Variants in GPC6 observed in about 807,000 individuals in gnomAD.
The protein encoded by GPC6 is glypican-6.
Under a neutral mutation model 55.2 loss-of-function variants are expected in GPC6, and 14 were observed. The observed-to-expected ratio is 0.25, with a 90% CI of 0.17 to 0.40. The LOEUF (loss-of-function observed/expected upper bound fraction) is 0.40. Ranked by LOEUF, GPC6 falls within the 10% of genes least tolerant of loss-of-function variation. The pLI is 1.00. For missense variants in GPC6, 641 were observed against 708.5 expected, an observed-to-expected ratio of 0.90 and a Z score of 1.08; for synonymous variants, 278 against 259.6, an observed-to-expected ratio of 1.07 and a Z score of -0.68.
chr13:94,078,359 A>C (rs1566374246), intron 4 of GPC6, among the ~76,000 whole-genome samples: 1 of 151,918 alleles, frequency 6.6e-6, no homozygotes, highest in Non-Finnish European at 1.5e-5. Flanking sequence ...ACCTAGAAAA[A>C]GAACAAACTA....
intron 4 of GPC6, among the ~76,000 whole-genome samples, chr13:94,156,460 A>G (rs905437079): frequency 2.6e-5 from 4 of 152,302 alleles, no homozygotes; most frequent in African/African-American, 9.6e-5. Flanking sequence ...CAAATGCCAA[A>G]CATGTGATCC....
At chr13:94,162,518 G>A (rs761536746) in intron 4 of GPC6, among the ~76,000 whole-genome samples, 4 of 152,166 alleles carry the variant, frequency 2.6e-5, no homozygotes, top group Non-Finnish European at 5.9e-5. Flanking sequence ...TTGTTGGCTG[G>A]CTCACAACAG....
intron 2 of GPC6, among the ~76,000 whole-genome samples, chr13:93,705,436 T>G (rs189533179): frequency 4.5e-4 from 68 of 152,066 alleles, no homozygotes; most frequent in Admixed American, 9.2e-4. Flanking sequence ...TTTTTTGTTA[T>G]TGTAACTTAA....
chr13:93,499,495 T>TC (rs1880443710), intron 1 of GPC6, among the ~76,000 whole-genome samples: 1 of 152,204 alleles, frequency 6.6e-6, no homozygotes, highest in African/African-American at 2.4e-5. Context: ...TCTAAGCGTG[T>TC]CCTGGAACGG....
chr13:93,375,124 A>G (rs547383897), intron 1 of GPC6, among the ~76,000 whole-genome samples: 16 of 152,232 alleles, frequency 1.1e-4, no homozygotes, highest in African/African-American at 3.9e-4. Context: ...CCTCTCCAAT[A>G]TGGTATCAGG....
intron 1 of GPC6, among the ~76,000 whole-genome samples, chr13:93,495,377 G>C (rs1191648856): frequency 6.4e-5 from 9 of 140,124 alleles, no homozygotes; most frequent in African/African-American, 2.4e-4. Flanking sequence ...AGCTCCATCA[G>C]CTCCTTTAAG....
chr13:93,828,059 C>G (rs1004706371), intron 2 of GPC6, among the ~76,000 whole-genome samples: 1 of 151,740 alleles, frequency 6.6e-6, no homozygotes, highest in Admixed American at 6.6e-5. Context: ...CCAGACCACA[C>G]TATTGATTAC....
At chr13:93,334,768 A>G (rs972346289) in intron 1 of GPC6, among the ~76,000 whole-genome samples, 16 of 152,270 alleles carry the variant, frequency 1.1e-4, no homozygotes, top group African/African-American at 3.6e-4. Flanking sequence ...TGCCTGGCCT[A>G]TTGATTCTTC....
chr13:93,277,537 C>G (rs1379649777), intron 1 of GPC6, among the ~76,000 whole-genome samples: 1 of 152,068 alleles, frequency 6.6e-6, no homozygotes, highest in African/African-American at 2.4e-5. Flanking sequence ...ACCAAGGTGT[C>G]TTTATTATAA....
At chr13:93,260,598 A>T (rs1452109916) in intron 1 of GPC6, among the ~76,000 whole-genome samples, 1 of 152,148 alleles carries the variant, frequency 6.6e-6, no homozygotes, top group Non-Finnish European at 1.5e-5. Context: ...AGTACCTAGA[A>T]CATTGTTGTA....
chr13:93,856,598 T>C (rs1179106560), intron 3 of GPC6, among the ~76,000 whole-genome samples: 5 of 151,654 alleles, frequency 3.3e-5, no homozygotes, highest in African/African-American at 1.2e-4. Context: ...AGTTAGTTGG[T>C]GCACAGGCTT....
intron 2 of GPC6, among the ~76,000 whole-genome samples, chr13:93,792,361 A>T (rs563994575): frequency 6.6e-5 from 10 of 152,274 alleles, no homozygotes; most frequent in Non-Finnish European, 1.5e-4. Context: ...CCCAGGCGGG[A>T]GTGCAGTGGC....
At chr13:93,641,418 T>A (rs1427437203) in intron 2 of GPC6, among the ~76,000 whole-genome samples, 1 of 152,142 alleles carries the variant, frequency 6.6e-6, no homozygotes, top group African/African-American at 2.4e-5. Flanking sequence ...CCCCCATGTT[T>A]ATCAATCCTT....
At chr13:93,638,550 T>C (rs934487580) in intron 2 of GPC6, among the ~76,000 whole-genome samples, 2 of 152,170 alleles carry the variant, frequency 1.3e-5, no homozygotes, top group African/African-American at 4.8e-5. Flanking sequence ...TGTCTGGACA[T>C]ACAGCAATAA....
chr13:94,286,524 A>G lies in GPC6; in HGVS notation c.1008+45A>G, dbSNP rs766530265. The G allele has an allele frequency of 3.2e-6, 5 of 1,562,836 alleles. No individual in the cohort carries two copies. In the Admixed American group the frequency reaches 5.0e-5, roughly 16 times the overall value. On this transcript the variant is annotated intron_variant, in intron 5 of 8. Transcript: ENST00000377047. ...ATCTGCCAATACATGTATGTTATAC[A>G]GGTGCAATAACCTAAAAACGAAGTA...
intron 4 of GPC6, among the ~76,000 whole-genome samples, chr13:94,158,832 CAT>C (rs911035656): frequency 3.6e-4 from 55 of 152,232 alleles, no homozygotes; most frequent in African/African-American, 9.4e-4. Context: ...TCTCCATTGA[CAT>C]GTGTGTAAAA....
At chr13:93,593,415 C>G (rs564513533) in intron 2 of GPC6, among the ~76,000 whole-genome samples, 1 of 152,204 alleles carries the variant, frequency 6.6e-6, no homozygotes, top group Non-Finnish European at 1.5e-5. Context: ...ACTGCATAAA[C>G]TTACTTTATT....
chr13:93,892,785 T>A (rs761537862), intron 3 of GPC6, among the ~76,000 whole-genome samples: 2 of 152,152 alleles, frequency 1.3e-5, no homozygotes, highest in Non-Finnish European at 2.9e-5. Flanking sequence ...AATCAGAATC[T>A]AGAATGAATG....
chr13:93,979,345 G>GT lies in GPC6; in HGVS notation c.712-48376dup, dbSNP rs1389901193. Among the ~76,000 whole-genome samples, 412 of 147,056 alleles carry GT rather than the reference G, an allele frequency of 2.8e-3. 3 individuals are homozygous for GT. The highest frequency in any genetic ancestry group is 0.01 in the African/African-American group (395 of 38,976). On this transcript the variant is annotated intron_variant, in intron 3 of 8. Coordinates refer to ENST00000377047, the MANE Select transcript of GPC6 (RefSeq NM_005708.5). ...TGTGTGTGTTTTTTTGTGTGTGTGTGTTTTTTTTAATTTTTTTTTTATTAT... is the reference window on the plus strand; with the variant it reads ...TGTGTGTGTTTTTTTGTGTGTGTGTGTTTTTTTTTAATTTTTTTTTTATTAT...
Sources: gnomAD v4.1 joint callset for allele counts (sites outside exome capture counted in the v4.1 genomes callset) on GRCh38, gnomAD v4.1.1 for gene constraint, MANE v1.5 for transcripts, NCBI Gene and HGNC (gene_info 2026-07-23, HGNC 2026-07-21) for gene names.